Variants in ASH1L observed in about 807,000 individuals in gnomAD.
ASH1L encodes the protein ASH1 like histone lysine methyltransferase, also known as histone-lysine N-methyltransferase ASH1L.
A neutral mutation model predicts 269.0 loss-of-function variants in ASH1L; 23 were observed. The observed-to-expected ratio is 0.09, with a 90% CI of 0.06 to 0.12. The LOEUF (loss-of-function observed/expected upper bound fraction) is 0.12, where lower values mean the gene tolerates loss of function less well. Ranked by LOEUF, ASH1L falls within the 10% of genes least tolerant of loss-of-function variation. ASH1L has a pLI of 1.00. For synonymous variants in ASH1L, 1,187 were observed against 1,253.5 expected (o/e 0.95, Z 1.12); for missense variants, 2,912 against 3,567.8 (o/e 0.82, Z 4.68).
At chr1:155,499,572 T>C (rs753449840) in intron 2 of ASH1L, among the ~76,000 whole-genome samples, 5 of 152,222 alleles carry the variant, frequency 3.3e-5, no homozygotes, top group Non-Finnish European at 5.9e-5. Context: ...TTTGTCATCT[T>C]ATCATATAGG....
chr1:155,407,096 A>G (rs1659358314), intron 6 of ASH1L, among the ~76,000 whole-genome samples: 1 of 151,858 alleles, frequency 6.6e-6, no homozygotes, highest in Non-Finnish European at 1.5e-5. Context: ...GGTGGTGCAC[A>G]CCTGTGGTCC....
chr1:155,427,350 C>A (rs1332598184), intron 5 of ASH1L, among the ~76,000 whole-genome samples: 1 of 151,674 alleles, frequency 6.6e-6, no homozygotes, highest in Non-Finnish European at 1.5e-5. Context: ...TCTTGTTGCC[C>A]AGGCTGGAGT....
intron 3 of ASH1L, among the ~76,000 whole-genome samples, chr1:155,477,412 G>A (rs1306606279): frequency 1.3e-5 from 2 of 151,254 alleles, no homozygotes; most frequent in East Asian, 3.9e-4. Context: ...TTTATTATGA[G>A]ACATACAGTA....
intron 5 of ASH1L, among the ~76,000 whole-genome samples, chr1:155,423,870 C>T (rs1660918747): frequency 6.6e-6 from 1 of 152,110 alleles, no homozygotes. Context: ...GCTAGGATTA[C>T]AGGCGCCCGC....
rs989836089 is a variant in ASH1L at position 155,343,890 on chromosome 1, T to C, written c.7982-148A>G. The C allele has an allele frequency of 1.1e-6, 1 of 936,398 alleles. No homozygotes were observed. The highest frequency in any genetic ancestry group is 1.7e-5 in the African/African-American group (1 of 59,782). 58.0% of individuals were successfully genotyped at this position (936,398 alleles called of 1,614,324 possible). ...AGCTAAAAGCAGCAGTGTTAAGTGA[T>C]GATAATCAATTCTAGACTATGACAA... On this transcript the variant is annotated intron_variant, in intron 22 of 27. Coordinates refer to ENST00000392403, the MANE Select transcript of ASH1L (RefSeq NM_018489.3). The surrounding 1 kb of genome is among the most constrained non-coding windows in gnomAD (Gnocchi z 6.1).
chr1:155,369,170 G>T (rs1289691249), intron 12 of ASH1L, among the ~76,000 whole-genome samples: 5 of 152,126 alleles, frequency 3.3e-5, no homozygotes, highest in Non-Finnish European at 7.4e-5. Context: ...CTAGACGGGC[G>T]CGGTGGCTCA....
In ASH1L at chr1:155,482,106, C is replaced by T. The variant is rs765801845; in HGVS notation, c.764G>A (p.Arg255Lys). 1 of 1,614,086 alleles carries T rather than the reference C, an allele frequency of 6.2e-7. No homozygotes were observed. Among genetic ancestry groups the T allele is most frequent in the Non-Finnish European group, 8.5e-7 (1 of 1,179,986 alleles). The change falls in exon 3 of 28, where the codon AGG (arginine) becomes AAG (lysine). Residue 255 changes from arginine (R) to lysine (K), a missense_variant. Coordinates refer to ENST00000392403, the MANE Select transcript of ASH1L (RefSeq NM_018489.3). Reference protein sequence around the residue: ...TAGLVSKDLIRKAGVGSVAGI... With the variant: ...TAGLVSKDLIKKAGVGSVAGI... Reference sequence around the variant, plus strand: ...AGCTACAGAGCCAACACCTGCTTTCCTGATCAAATCCTTGCTAACCAATCC... The same window carrying T: ...AGCTACAGAGCCAACACCTGCTTTCTTGATCAAATCCTTGCTAACCAATCC...
intron 2 of ASH1L, among the ~76,000 whole-genome samples, chr1:155,493,204 C>A (rs1310824103): frequency 6.6e-6 from 1 of 152,142 alleles, no homozygotes; most frequent in African/African-American, 2.4e-5. Context: ...ACTTTAATAA[C>A]CTTTTCATCG....
At chr1:155,394,706 T>C (rs1414042486) in intron 7 of ASH1L, among the ~76,000 whole-genome samples, 1 of 152,194 alleles carries the variant, frequency 6.6e-6, no homozygotes, top group Non-Finnish European at 1.5e-5. Flanking sequence ...ACTATCCAAA[T>C]GCTAAACAAA....
chr1:155,379,940 T>G (rs1285094839), intron 8 of ASH1L, 103 bp downstream of exon 8: 5 of 841,668 alleles, frequency 5.9e-6, no homozygotes, highest in Non-Finnish European at 9.8e-6. Flanking sequence ...TCTGAAAACC[T>G]CCTAAGATGA....
Position 155,524,477 on chromosome 1 carries a change from G to A in ASH1L, c.-99-2859C>T, listed in dbSNP as rs550424302. Among the ~76,000 whole-genome samples, 108 of 148,986 alleles carry A rather than the reference G, an allele frequency of 7.2e-4. No homozygotes were observed. The Middle Eastern group carries it at 0.01, about 14-fold the overall frequency. ...GCAGAGCTTGCAGTGAGCCGAGATT[G>A]TGCCACTGCACTCCAGCCTGGGCAA... On this transcript the variant is annotated intron_variant, in intron 1 of 27. Transcript: ENST00000392403.
chr1:155,563,132 C>T (rs769966892), upstream of ASH1L: 12 of 457,410 alleles, frequency 2.6e-5, no homozygotes. Flanking sequence ...CCTCCTCCGC[C>T]GGATCGCGGC....
At chr1:155,451,691 G>C (rs535610859) in intron 4 of ASH1L, among the ~76,000 whole-genome samples, 1 of 151,836 alleles carries the variant, frequency 6.6e-6, no homozygotes, top group East Asian at 1.9e-4. Flanking sequence ...TTGGAATCCA[G>C]CCTGGGCGAC....
chr1:155,352,622 T>C (rs1170487660), intron 17 of ASH1L, 84 bp downstream of exon 17: 4 of 1,380,878 alleles, frequency 2.9e-6, no homozygotes, highest in South Asian at 1.6e-5. Context: ...CTGGGCAATA[T>C]AGCAAGACCC....
intron 3 of ASH1L, among the ~76,000 whole-genome samples, 188 bp downstream of exon 3, chr1:155,477,693 TCAAAA>T (rs1390441942): frequency 2.0e-5 from 3 of 151,954 alleles, no homozygotes; most frequent in African/African-American, 4.8e-5. Context: ...ATAGCTCTTC[TCAAAA>T]CAAAAAAATA....
intron 1 of ASH1L, among the ~76,000 whole-genome samples, chr1:155,523,873 G>C (rs188049305): frequency 5.8e-4 from 89 of 152,188 alleles, no homozygotes; most frequent in African/African-American, 2.0e-3. Flanking sequence ...AAAAAAAGGT[G>C]CCAATAATTT....
chr1:155,479,914 T>C lies in ASH1L; in HGVS notation c.2956A>G (p.Ile986Val). The C allele has an allele frequency of 1.2e-6, 2 of 1,613,552 alleles. No individual in the cohort carries two copies. Among genetic ancestry groups the C allele is most frequent in the South Asian group, 1.1e-5 (1 of 90,956 alleles). Residue 986 changes from isoleucine to valine, a missense_variant, in exon 3 of 28, where the codon ATA (isoleucine) becomes GTA (valine). This residue lies in a region of ASH1L where 715 missense variants were observed against 721.0 expected (regional missense o/e 0.99). Transcript: ENST00000392403. Reference sequence around the variant, plus strand: ...CTCTTTAAAGTCTTCATTTTATTTATTTTGCGGATAATTGTTTTCATTAAT... The same window carrying C: ...CTCTTTAAAGTCTTCATTTTATTTACTTTGCGGATAATTGTTTTCATTAAT... Reference protein sequence around the residue: ...GQLMKTIIRKINKMKTLKRKK... With the variant: ...GQLMKTIIRKVNKMKTLKRKK...
At chr1:155,348,018 G>T in intron 19 of ASH1L, 114 bp from the exon 20 acceptor site, 1 of 1,302,692 alleles carries the variant, frequency 7.7e-7, no homozygotes. Flanking sequence ...TTGGTTAACA[G>T]ATTTTCAATA....
At chr1:155,514,049 G>T (rs1668343749) in intron 2 of ASH1L, among the ~76,000 whole-genome samples, 1 of 152,122 alleles carries the variant, frequency 6.6e-6, no homozygotes, top group Non-Finnish European at 1.5e-5. Flanking sequence ...AGTTACCTAA[G>T]GACAAATATT....
Sources: allele counts gnomAD v4.1 joint callset (sites outside exome capture counted in the v4.1 genomes callset), GRCh38; gene constraint gnomAD v4.1.1; regional missense constraint gnomAD v4.1.1; non-coding constraint Gnocchi (gnomAD v3.1); transcripts MANE v1.5; gene names NCBI Gene and HGNC (gene_info 2026-07-23, HGNC 2026-07-21).